The following ARHGAP39 variants were observed in gnomAD, a reference collection of about 807,000 sequenced individuals.
ARHGAP39 encodes rho GTPase-activating protein 39.
Under a neutral mutation model 106.9 loss-of-function variants are expected in ARHGAP39, and 44 were observed. That is an observed-to-expected ratio of 0.41 (90% confidence interval 0.32 to 0.53). The LOEUF (loss-of-function observed/expected upper bound fraction) is 0.53. ARHGAP39 is among the 20% of genes least tolerant of loss of function. The probability of loss-of-function intolerance (pLI) is 0.21; values close to 1 mark genes in which losing one functional copy is unlikely to be tolerated. For synonymous variants in ARHGAP39, 768 were observed against 693.2 expected, an observed-to-expected ratio of 1.11 and a Z score of -1.69; for missense variants, 1,496 against 1,577.3, an observed-to-expected ratio of 0.95 and a Z score of 0.87.
chr8:144,637,277 C>A (rs1386272832), intron 1 of ARHGAP39, among the ~76,000 whole-genome samples: 1 of 152,214 alleles, frequency 6.6e-6, no homozygotes, highest in Non-Finnish European at 1.5e-5. Flanking sequence ...TCTTGCAACC[C>A]ATGCTTCTGT....
chr8:144,569,721 G>A (rs147502845), intron 3 of ARHGAP39, among the ~76,000 whole-genome samples: 2 of 152,292 alleles, frequency 1.3e-5, no homozygotes, highest in East Asian at 3.8e-4. Context: ...GATGGTCATG[G>A]GTGTGTACAT....
chr8:144,603,951 T>C (rs1820181531), intron 2 of ARHGAP39, among the ~76,000 whole-genome samples: 2 of 152,064 alleles, frequency 1.3e-5, no homozygotes, highest in African/African-American at 4.8e-5. Context: ...ACCAAGCCAG[T>C]GAAGAGCAAG....
At chr8:144,687,673 A>G (rs2976623), upstream of ARHGAP39, among the ~76,000 whole-genome samples, 2,812 of 6,436 alleles carry the variant, frequency 0.44, 523 homozygotes, top group Middle Eastern at 0.5. Flanking sequence ...ACACACTAGC[A>G]GTGAGCACTT....
At chr8:144,690,965 C>G in the ARHGAP39 span, among the ~76,000 whole-genome samples, 2 of 152,198 alleles carry the variant, frequency 1.3e-5, no homozygotes, top group Admixed American at 1.3e-4. Context: ...GCCCTTTTGT[C>G]CATTTAAAAA....
chr8:144,581,215 G>A lies in ARHGAP39; in HGVS notation c.143C>T (p.Thr48Ile). The A allele has an allele frequency of 1.9e-6, 3 of 1,556,444 alleles. No homozygotes were observed. Among genetic ancestry groups the A allele is most frequent in the Non-Finnish European group, 2.6e-6 (3 of 1,150,800 alleles). The change falls in exon 3 of 12, where the codon ACC (threonine) becomes ATC (isoleucine). Residue 48 changes from threonine (T) to isoleucine (I), a missense_variant. Coordinates refer to ENST00000377307, the MANE Select transcript of ARHGAP39 (RefSeq NM_025251.3). Reference protein sequence around the residue: ...TRERMYANLVTGECVWDPPAG... With the variant: ...TRERMYANLVIGECVWDPPAG... ...CGGCGGGTCCCACACGCACTCACCG[G>A]TGACCAGGTTGGCGTACATGCGCTC...
intron 5 of ARHGAP39, 40 bp from the exon 6 acceptor site, chr8:144,545,850 GA>G: frequency 7.0e-7 from 1 of 1,421,022 alleles, no homozygotes. Flanking sequence ...GGGGGTGGGG[GA>G]GGGCCAGGCA....
chr8:144,602,196 C>T (rs1301422713), intron 2 of ARHGAP39, among the ~76,000 whole-genome samples: 1 of 76,406 alleles, frequency 1.3e-5, no homozygotes, highest in Non-Finnish European at 2.5e-5. Context: ...CCTGTGTGTG[C>T]ATGGAGGCGT....
At chr8:144,601,917 CTG>C (rs1187125351) in intron 2 of ARHGAP39, among the ~76,000 whole-genome samples, 89 of 118,826 alleles carry the variant, frequency 7.5e-4, no homozygotes, top group African/African-American at 1.5e-3. Context: ...GCTCGTGTAC[CTG>C]TGTGTGTGCA....
Position 144,530,479 on chromosome 8 carries a change from G to A in ARHGAP39, c.3288C>T (p.Ser1096=), listed in dbSNP as rs766543616. ...GGTGCTGGATGAGCACCCGCAGGAAGGACATCTCCTTGCGGGTGTTCTCGA... is the reference window on the plus strand; with the variant it reads ...GGTGCTGGATGAGCACCCGCAGGAAAGACATCTCCTTGCGGGTGTTCTCGA... ...VIFENTRKEM[S]FLRVLIQHLD... Residue 1096 remains serine (S), a synonymous_variant, in exon 12 of 12, where the codon TCC becomes TCT. Transcript: ENST00000377307. 3 of 1,611,558 alleles carry A rather than the reference G, an allele frequency of 1.9e-6. No individual in the cohort carries two copies. Among genetic ancestry groups the A allele is most frequent in the African/African-American group, 2.7e-5 (2 of 74,908 alleles).
Position 144,548,035 on chromosome 8 carries a change from G to C in ARHGAP39, c.1051C>G (p.Arg351Gly), listed in dbSNP as rs983939074. 3.7e-6 allele frequency: 6 copies of C among 1,605,428 alleles called. No homozygotes were observed. Among genetic ancestry groups the C allele is most frequent in the Non-Finnish European group, 5.1e-6 (6 of 1,177,174 alleles). Residue 351 changes from arginine (R) to glycine (G), a missense_variant, in exon 5 of 12, where the codon CGT becomes GGT. Physicochemically the swap from Arg to Gly is moderately radical, Grantham distance 125. Transcript: ENST00000377307. The surrounding 1 kb of genome is among the most constrained non-coding windows in gnomAD (Gnocchi z 7.4). ...QAGSPQRSPG[R>G]KPRPFLQPNK... The stretch of plus-strand genomic sequence containing the variant: ...GGCTGGAGGAACGGCCGGGGCTTAC[G>C]GCCCGGCGACCGCTGGGGAGAGCCG...
the ARHGAP39 span, among the ~76,000 whole-genome samples, chr8:144,692,107 G>A: frequency 1.3e-5 from 2 of 152,034 alleles, no homozygotes; most frequent in Non-Finnish European, 2.9e-5. Context: ...GCCTGGAAAG[G>A]GCTGGCACTG....
chr8:144,610,264 AAGAC>A (rs1393132475), intron 1 of ARHGAP39, among the ~76,000 whole-genome samples: 1 of 152,204 alleles, frequency 6.6e-6, no homozygotes. Flanking sequence ...CTGCCTCAAA[AAGAC>A]AGCTTAATCG....
At chr8:144,648,787 G>C (rs1459609267) in intron 1 of ARHGAP39, among the ~76,000 whole-genome samples, 2 of 152,176 alleles carry the variant, frequency 1.3e-5, no homozygotes. Context: ...CAGAAATCAA[G>C]AAGTTCCTTG....
intron 2 of ARHGAP39, among the ~76,000 whole-genome samples, chr8:144,593,273 G>A (rs751704213): frequency 7.2e-5 from 11 of 152,206 alleles, no homozygotes; most frequent in Non-Finnish European, 1.3e-4. Flanking sequence ...AGGGACACAA[G>A]AGTGAACAAG....
rs764369837 is a variant in ARHGAP39 at position 144,548,379 on chromosome 8, C to A, written c.707G>T (p.Gly236Val). The change falls in exon 5 of 12, where the codon GGC becomes GTC. Residue 236 changes from glycine (G) to valine (V), a missense_variant. Physicochemically the swap from Gly to Val is moderately radical, Grantham distance 109 (BLOSUM62 -3). Transcript: ENST00000377307. This position sits in a 1 kb window ranked among gnomAD's most constrained non-coding sequence, Gnocchi z 7.4. The part of the protein sequence containing the change: ...AAQGNGYAPD[G>V]PPGVRSRRPS... ...TCTGCGGGAGCGGACCCCAGGTGGGCCGTCTGGGGCGTAGCCATTGCCCTG... is the reference window on the plus strand; with the variant it reads ...TCTGCGGGAGCGGACCCCAGGTGGGACGTCTGGGGCGTAGCCATTGCCCTG... 3 of 1,609,016 alleles carry A rather than the reference C, an allele frequency of 1.9e-6. No homozygotes were observed. In the East Asian group the frequency reaches 6.7e-5, roughly 36 times the overall value.
chr8:144,673,300 G>T (rs893671205), intron 1 of ARHGAP39, among the ~76,000 whole-genome samples: 2 of 151,646 alleles, frequency 1.3e-5, no homozygotes, highest in African/African-American at 4.9e-5. Context: ...CCCGCACCAA[G>T]GCCCTCTGCG....
At chr8:144,608,156 CAA>C (rs60966946) in intron 1 of ARHGAP39, among the ~76,000 whole-genome samples, 5 of 96,324 alleles carry the variant, frequency 5.2e-5, no homozygotes, top group African/African-American at 9.2e-5. Context: ...GACTCTGTCT[CAA>C]AAAAAAAAAA....
intron 1 of ARHGAP39, among the ~76,000 whole-genome samples, chr8:144,630,425 C>A (rs966721806): frequency 1.3e-5 from 2 of 151,944 alleles, no homozygotes; most frequent in African/African-American, 2.4e-5. Flanking sequence ...GGCTAAGAAG[C>A]GCCCCAGCCC....
At chr8:144,629,650 G>T (rs1317942806) in intron 1 of ARHGAP39, among the ~76,000 whole-genome samples, 1 of 152,250 alleles carries the variant, frequency 6.6e-6, no homozygotes, top group Admixed American at 6.5e-5. Context: ...TAGCAGCTTT[G>T]TGTGGTACAC....
Sources: gnomAD v4.1 joint callset for allele counts (sites outside exome capture counted in the v4.1 genomes callset) on GRCh38, gnomAD v4.1.1 for gene constraint, Gnocchi (gnomAD v3.1) non-coding constraint, MANE v1.5 for transcripts, NCBI Gene and HGNC (gene_info 2026-07-23, HGNC 2026-07-21) for gene names.